Variants in ERC1 observed in about 807,000 individuals in gnomAD.
ERC1 encodes the protein ELKS/RAB6-interacting/CAST family member 1, also known as RAB6 interacting protein 2.
ERC1 carries 56 observed loss-of-function variants against 132.0 expected under a neutral mutation model. The ratio of observed to expected loss-of-function variants is 0.42; its 90% CI spans 0.34 to 0.53. The LOEUF (loss-of-function observed/expected upper bound fraction) is 0.53, where lower values mean the gene tolerates loss of function less well. Among genes scored for constraint, ERC1 ranks in the 20% least tolerant of loss-of-function variants. The pLI is 0.03. For synonymous variants in ERC1, 478 were observed against 476.1 expected (o/e 1.00, Z -0.05); for missense variants, 1,202 against 1,349.9 (o/e 0.89, Z 1.72).
At chr12:1,319,376 A>G (rs1204805168) in intron 15 of ERC1, among the ~76,000 whole-genome samples, 1 of 152,140 alleles carries the variant, frequency 6.6e-6, no homozygotes, top group Non-Finnish European at 1.5e-5. Flanking sequence ...AAATAGAAAA[A>G]TTCTCATTCA....
At chr12:1,301,647 CTG>C (rs2080410339) in intron 15 of ERC1, among the ~76,000 whole-genome samples, 1 of 152,006 alleles carries the variant, frequency 6.6e-6, no homozygotes, top group Non-Finnish European at 1.5e-5. Context: ...ACAACAGACT[CTG>C]AGGTCTATTG....
In ERC1 at chr12:1,160,961, T is replaced by A. The variant is rs527871540; in HGVS notation, c.1737+19174T>A. On this transcript the variant is annotated intron_variant, in intron 8 of 18. Coordinates refer to ENST00000360905, the MANE Select transcript of ERC1 (RefSeq NM_178040.4). ...CTCAGGACCACCACCTACACATATT[T>A]TCCTAGCGTTCTAAGCAATGTATGC... 3.9e-5 allele frequency among the ~76,000 whole-genome samples: 6 copies of A among 152,308 alleles called. No individual in the cohort carries two copies. The South Asian group carries it at 6.2e-4, about 16-fold the overall frequency.
At chr12:1,240,899 A>G (rs1184758730) in intron 13 of ERC1, among the ~76,000 whole-genome samples, 1 of 152,072 alleles carries the variant, frequency 6.6e-6, no homozygotes, top group African/African-American at 2.4e-5. Flanking sequence ...TCCATGAGTT[A>G]TGTGTTTCAT....
At chr12:1,359,528 A>G (rs1349848924) in intron 15 of ERC1, among the ~76,000 whole-genome samples, 4 of 152,156 alleles carry the variant, frequency 2.6e-5, no homozygotes, top group African/African-American at 4.8e-5. Context: ...TGGAAGGGCA[A>G]AGAGGGTAAG....
At position 1,138,280 on chromosome 12, in the gene ERC1, TATG is replaced by T. The variant is rs1296061606; in HGVS notation, c.1570-3337_1570-3335del. On this transcript the variant is annotated intron_variant, in intron 7 of 18. Coordinates refer to ENST00000360905, the MANE Select transcript of ERC1 (RefSeq NM_178040.4). The stretch of plus-strand genomic sequence containing the variant: ...TATATTATATAATATAATTACAATA[TATG>T]ATATATATTATATAATATATGTTGT... 5.9e-5 allele frequency among the ~76,000 whole-genome samples: 8 copies of T among 136,192 alleles called. No homozygotes were observed. The East Asian group carries it at 1.7e-3, about 28-fold the overall frequency. 89.3% of individuals were successfully genotyped at this position (136,192 alleles called of 152,430 possible).
chr12:1,014,372 C>T lies in ERC1; in HGVS notation c.-156-13376C>T, dbSNP rs567682051. On this transcript the variant is annotated intron_variant, in intron 1 of 18. Coordinates refer to ENST00000360905, the MANE Select transcript of ERC1 (RefSeq NM_178040.4). Reference sequence around the variant, plus strand: ...GGTATTTTTGGTAGAGACGGGGTTTCACCATGTTGCCCAGGCTGGTCTCGA... The same window carrying T: ...GGTATTTTTGGTAGAGACGGGGTTTTACCATGTTGCCCAGGCTGGTCTCGA... Among the ~76,000 whole-genome samples, 4 of 151,700 alleles carry T rather than the reference C, an allele frequency of 2.6e-5. No homozygotes were observed. The South Asian group carries it at 6.3e-4, about 24-fold the overall frequency.
intron 15 of ERC1, among the ~76,000 whole-genome samples, chr12:1,302,925 T>C (rs547756082): frequency 6.6e-5 from 10 of 152,316 alleles, no homozygotes; most frequent in African/African-American, 2.4e-4. Flanking sequence ...ATCGCATCAC[T>C]GCACTCCAGC....
chr12:1,305,218 T>C (rs2080790453), intron 15 of ERC1, among the ~76,000 whole-genome samples: 1 of 152,226 alleles, frequency 6.6e-6, no homozygotes, highest in Non-Finnish European at 1.5e-5. Context: ...ACACTCACTC[T>C]TTCTGGACCA....
chr12:1,403,348 A>G (rs1362764701), intron 16 of ERC1, among the ~76,000 whole-genome samples: 1 of 152,214 alleles, frequency 6.6e-6, no homozygotes, highest in Non-Finnish European at 1.5e-5. Flanking sequence ...TGTCAGTAAA[A>G]CATGAAGGAA....
At chr12:1,309,983 T>C (rs2081178177) in intron 15 of ERC1, among the ~76,000 whole-genome samples, 1 of 151,932 alleles carries the variant, frequency 6.6e-6, no homozygotes, top group African/African-American at 2.4e-5. Flanking sequence ...AGTCTCGTGC[T>C]GTCGCCCAGG....
At position 1,243,229 on chromosome 12, in the gene ERC1, A is replaced by G. The variant is rs188861266; in HGVS notation, c.2487+6325A>G. On this transcript the variant is annotated intron_variant, in intron 13 of 18. Transcript: ENST00000360905. ...AAAGAAAAAAAAAAAAGAAATCGAG[A>G]GATGATTTAAAATATATGCGAAGAT... Among the ~76,000 whole-genome samples the G allele has an allele frequency of 1.6e-3, 240 of 151,562 alleles. 1 individual carries two copies. The highest frequency in any genetic ancestry group is 6.9e-3 in the Middle Eastern group (2 of 290).
At chr12:1,056,427 G>T (rs141045489) in intron 2 of ERC1, among the ~76,000 whole-genome samples, 180 of 152,164 alleles carry the variant, frequency 1.2e-3, no homozygotes, top group African/African-American at 4.0e-3. Context: ...AGCTCTCTGC[G>T]ACAGAGATGG....
intron 16 of ERC1, among the ~76,000 whole-genome samples, chr12:1,390,348 T>G (rs2154382241): frequency 6.6e-6 from 1 of 152,198 alleles, no homozygotes; most frequent in East Asian, 1.9e-4. Context: ...AATTAAAATT[T>G]TAAAAAAATC....
chr12:1,093,957 C>CTATATATATATATATTTTTCTATATA (rs1943621196), intron 3 of ERC1, among the ~76,000 whole-genome samples: 1 of 68,910 alleles, frequency 1.5e-5, no homozygotes, highest in Non-Finnish European at 2.9e-5. Flanking sequence ...ATATATTTTT[C>CTATATATATATATATTTTTCTATATA]TATATATATA....
chr12:1,438,946 T>TAAAAAA (rs145056944), intron 17 of ERC1, among the ~76,000 whole-genome samples: 5 of 144,708 alleles, frequency 3.5e-5, no homozygotes, highest in African/African-American at 1.0e-4. Context: ...TGTCTCAATT[T>TAAAAAA]AAAAAAAAAT....
chr12:1,140,622 T>G (rs539311137), intron 7 of ERC1, among the ~76,000 whole-genome samples: 2 of 152,294 alleles, frequency 1.3e-5, no homozygotes, highest in African/African-American at 4.8e-5. Context: ...CATATTTTCT[T>G]TGTGGTTTAA....
At chr12:1,349,537 G>A (rs1212617549) in intron 15 of ERC1, among the ~76,000 whole-genome samples, 3 of 151,912 alleles carry the variant, frequency 2.0e-5, no homozygotes, top group East Asian at 3.9e-4. Context: ...AGTGCCATAC[G>A]TCTGTAGTCC....
At chr12:1,484,279 T>TG (rs764702040) in intron 18 of ERC1, among the ~76,000 whole-genome samples, 4,680 of 151,536 alleles carry the variant, frequency 0.031, 130 homozygotes, top group Non-Finnish European at 0.039. Flanking sequence ...CACTCCAGCC[T>TG]GGTGACAGAG....
At chr12:1,340,257 T>C (rs1256305137) in intron 15 of ERC1, among the ~76,000 whole-genome samples, 1 of 152,088 alleles carries the variant, frequency 6.6e-6, no homozygotes, top group East Asian at 1.9e-4. Context: ...CCCCATCTGA[T>C]GGGCAAGACC....
Sources: allele counts gnomAD v4.1 joint callset (sites outside exome capture counted in the v4.1 genomes callset), GRCh38; gene constraint gnomAD v4.1.1; transcripts MANE v1.5; gene names NCBI Gene and HGNC (gene_info 2026-07-23, HGNC 2026-07-21).